The following PSEN1 variants were observed in gnomAD, a reference collection of about 807,000 sequenced individuals.
The protein encoded by PSEN1 is presenilin 1.
In PSEN1, 15 loss-of-function variants were observed where a neutral mutation model predicts 53.5. That is an observed-to-expected ratio of 0.28 (90% CI 0.19 to 0.43). The LOEUF is 0.43. PSEN1 is among the 20% of genes least tolerant of loss of function. The pLI, the probability that PSEN1 is intolerant of heterozygous loss-of-function variation, is 1.00. For synonymous variants in PSEN1, 208 were observed against 209.8 expected, an observed-to-expected ratio of 0.99 and a Z score of 0.08; for missense variants, 387 against 571.2, an observed-to-expected ratio of 0.68 and a Z score of 3.29.
At chr14:73,196,673 C>T (rs1898960024) in intron 7 of PSEN1, among the ~76,000 whole-genome samples, 1 of 151,050 alleles carries the variant, frequency 6.6e-6, no homozygotes, top group Non-Finnish European at 1.5e-5. Context: ...CGGGGTTTTG[C>T]CATCTTGGCC....
chr14:73,160,080 T>C (rs1162402078), intron 3 of PSEN1: 3 of 281,394 alleles, frequency 1.1e-5, no homozygotes, highest in Admixed American at 1.0e-4. Context: ...CACTTTGGCC[T>C]CCCAAAATAC....
rs149209990 is a variant in PSEN1, at chr14:73,156,105, C to T, written c.87+7999C>T. On this transcript the variant is annotated intron_variant, in intron 3 of 11. Coordinates refer to ENST00000324501, the MANE Select transcript of PSEN1 (RefSeq NM_000021.4). ...ATCCTAGCACTTTGGAAGGCTGAGG[C>T]GGGTGGATCACTTGAGTTCAGGAGT... Among the ~76,000 whole-genome samples, 941 of 151,928 alleles carry T rather than the reference C, an allele frequency of 6.2e-3. 12 individuals are homozygous for T. The highest frequency in any genetic ancestry group is 0.022 in the African/African-American group (891 of 41,402).
At chr14:73,162,922 A>G (rs1897595960) in intron 3 of PSEN1, among the ~76,000 whole-genome samples, 2 of 152,180 alleles carry the variant, frequency 1.3e-5, no homozygotes, top group African/African-American at 4.8e-5. Flanking sequence ...ATACCTTTTA[A>G]TACTTTCTTT....
chr14:73,144,590 C>A (rs893701277), intron 1 of PSEN1, among the ~76,000 whole-genome samples: 1 of 152,184 alleles, frequency 6.6e-6, no homozygotes, highest in African/African-American at 2.4e-5. Context: ...AATTCCAACT[C>A]CTCACTTGCC....
intron 6 of PSEN1, among the ~76,000 whole-genome samples, chr14:73,189,573 T>C (rs1036083718): frequency 6.6e-6 from 1 of 151,906 alleles, no homozygotes; most frequent in African/African-American, 2.4e-5. Flanking sequence ...GATCGCACCA[T>C]TGCACTCCCA....
At chr14:73,174,101 A>C in intron 5 of PSEN1, 1 of 249,276 alleles carries the variant, frequency 4.0e-6, no homozygotes, top group Non-Finnish European at 7.6e-6. Context: ...TTTAGTGATA[A>C]TTTATGTTAT....
intron 6 of PSEN1, among the ~76,000 whole-genome samples, chr14:73,188,956 A>G (rs1003906439): frequency 6.6e-6 from 1 of 151,936 alleles, no homozygotes; most frequent in African/African-American, 2.4e-5. Flanking sequence ...ATGCCCGGCT[A>G]ATTTTTGCAT....
intron 9 of PSEN1, among the ~76,000 whole-genome samples, chr14:73,211,527 G>T (rs1424046249): frequency 6.6e-6 from 1 of 152,078 alleles, no homozygotes; most frequent in Non-Finnish European, 1.5e-5. Flanking sequence ...GCTTGGTCAG[G>T]ATTCACCACC....
chr14:73,213,442 G>A (rs1396908512), intron 10 of PSEN1, among the ~76,000 whole-genome samples: 1 of 151,414 alleles, frequency 6.6e-6, no homozygotes, highest in Non-Finnish European at 1.5e-5. Context: ...ATCAAGTATT[G>A]CTCCTGCTAA....
chr14:73,210,022 C>T (rs1268262739), intron 9 of PSEN1, among the ~76,000 whole-genome samples: 2 of 152,154 alleles, frequency 1.3e-5, no homozygotes, highest in African/African-American at 2.4e-5. Flanking sequence ...AAACACTCCC[C>T]GGAAGGGAGG....
intron 7 of PSEN1, among the ~76,000 whole-genome samples, chr14:73,196,410 A>G (rs1460911935): frequency 1.4e-5 from 2 of 147,480 alleles, no homozygotes; most frequent in Non-Finnish European, 3.0e-5. Context: ...AGTTCTATAT[A>G]TACTATATTA....
chr14:73,192,588 A>T, intron 6 of PSEN1, 56 bp from the exon 7 acceptor site: 1 of 1,221,530 alleles, frequency 8.2e-7, no homozygotes, highest in East Asian at 2.3e-5. Flanking sequence ...TATTCTAAAT[A>T]ATGTTTTGGT....
intron 5 of PSEN1, among the ~76,000 whole-genome samples, chr14:73,181,621 T>G (rs1898216629): frequency 6.6e-6 from 1 of 152,182 alleles, no homozygotes; most frequent in Non-Finnish European, 1.5e-5. Flanking sequence ...TTTCAAATAA[T>G]ATTTGGTGGC....
At chr14:73,204,019 A>G (rs899178388) in intron 8 of PSEN1, among the ~76,000 whole-genome samples, 2 of 152,100 alleles carry the variant, frequency 1.3e-5, no homozygotes, top group African/African-American at 2.4e-5. Context: ...TTTTTTTGAG[A>G]CAGAGTTTCG....
chr14:73,177,318 A>T (rs1409013434), intron 5 of PSEN1, among the ~76,000 whole-genome samples: 3 of 152,196 alleles, frequency 2.0e-5, no homozygotes, highest in African/African-American at 7.2e-5. Context: ...GTAGCATATA[A>T]ATCAAATGAA....
intron 7 of PSEN1, among the ~76,000 whole-genome samples, chr14:73,197,053 C>T (rs1030413864): frequency 1.3e-5 from 2 of 151,458 alleles, no homozygotes; most frequent in Non-Finnish European, 2.9e-5. Context: ...CTGCCTCAGC[C>T]TCCCGAGTAG....
At chr14:73,196,100 G>A (rs3025783) in intron 7 of PSEN1, among the ~76,000 whole-genome samples, 3,468 of 152,046 alleles carry the variant, frequency 0.023, 137 homozygotes, top group African/African-American at 0.076. Flanking sequence ...AGTGATTCTC[G>A]GCTCCATTTT....
At chr14:73,179,995 T>A (rs1898161422) in intron 5 of PSEN1, among the ~76,000 whole-genome samples, 1 of 150,844 alleles carries the variant, frequency 6.6e-6, no homozygotes, top group Non-Finnish European at 1.5e-5. Flanking sequence ...TATTTTATTT[T>A]TTTTTTTGAG....
intron 6 of PSEN1, among the ~76,000 whole-genome samples, chr14:73,189,247 G>A (rs572830535): frequency 1.3e-3 from 199 of 152,310 alleles, no homozygotes; most frequent in Middle Eastern, 3.4e-3. Flanking sequence ...CTTTGTTTTA[G>A]AACTAACTGA....
Sources: gnomAD v4.1 joint callset for allele counts (sites outside exome capture counted in the v4.1 genomes callset) on GRCh38, gnomAD v4.1.1 for gene constraint, MANE v1.5 for transcripts, NCBI Gene and HGNC (gene_info 2026-07-23, HGNC 2026-07-21) for gene names.